Variants in WDR41 observed in about 807,000 individuals in gnomAD.
WDR41 encodes WD repeat domain 41.
In WDR41, 63 loss-of-function variants were observed where a neutral mutation model predicts 69.3. The ratio of observed to expected loss-of-function variants is 0.91; its 90% CI spans 0.74 to 1.12. The LOEUF (loss-of-function observed/expected upper bound fraction) is 1.12, where lower values mean the gene tolerates loss of function less well. WDR41 is among the 50% of genes most tolerant of loss of function. WDR41 has a pLI of 0.00. For missense variants in WDR41, 543 were observed against 534.5 expected, an observed-to-expected ratio of 1.02 and a Z score of -0.16; for synonymous variants, 185 against 192.1, an observed-to-expected ratio of 0.96 and a Z score of 0.31.
At chr5:77,537,197 A>G (rs1743003287) in intron 1 of WDR41, among the ~76,000 whole-genome samples, 1 of 152,252 alleles carries the variant, frequency 6.6e-6, no homozygotes, top group African/African-American at 2.4e-5. Context: ...TTTAGGTTCC[A>G]TGAGAGCAAC....
intron 1 of WDR41, among the ~76,000 whole-genome samples, chr5:77,587,047 C>T (rs1744054451): frequency 4.8e-5 from 1 of 20,690 alleles, no homozygotes; most frequent in Non-Finnish European, 7.4e-5. Flanking sequence ...TTAACCTACT[C>T]ATGAAACCAC....
chr5:77,505,497 T>G (rs1448703009), intron 1 of WDR41, among the ~76,000 whole-genome samples: 1 of 152,300 alleles, frequency 6.6e-6, no homozygotes, highest in Non-Finnish European at 1.5e-5. Flanking sequence ...AAGCTACTGA[T>G]GACTTTCTTC....
At chr5:77,453,764 C>T (rs1338631151) in intron 6 of WDR41, 53 bp downstream of exon 6, 12 of 1,405,652 alleles carry the variant, frequency 8.5e-6, no homozygotes, top group Admixed American at 3.4e-5. Flanking sequence ...TGAAGATCTG[C>T]TGTGTCTTCT....
At chr5:77,606,814 A>C (rs912340122) in intron 1 of WDR41, among the ~76,000 whole-genome samples, 1 of 151,960 alleles carries the variant, frequency 6.6e-6, no homozygotes. Context: ...AAGAAAAGAA[A>C]AGAAAAAGAA....
At chr5:77,576,388 A>C (rs1048664765) in intron 1 of WDR41, among the ~76,000 whole-genome samples, 1 of 151,538 alleles carries the variant, frequency 6.6e-6, no homozygotes, top group Admixed American at 6.6e-5. Context: ...CTCTACAGAC[A>C]CTCTCCACTT....
chr5:77,461,651 T>C (rs1001344660), intron 4 of WDR41, among the ~76,000 whole-genome samples: 2 of 151,558 alleles, frequency 1.3e-5, no homozygotes, highest in Non-Finnish European at 2.9e-5. Context: ...GCCTGGCCAA[T>C]ATGGTGAAAC....
intron 1 of WDR41, among the ~76,000 whole-genome samples, chr5:77,497,832 G>A (rs1047261337): frequency 1.9e-4 from 29 of 152,218 alleles, no homozygotes; most frequent in African/African-American, 6.3e-4. Flanking sequence ...GCCAAAAGCC[G>A]GAGACATCCC....
In WDR41 at chr5:77,506,106, C is replaced by G. The variant is rs1802101468; in HGVS notation, c.43-16534G>C. Among the ~76,000 whole-genome samples the G allele has an allele frequency of 2.0e-5, 3 of 152,142 alleles. No individual in the cohort carries two copies. In the South Asian group the frequency reaches 6.2e-4, roughly 31 times the overall value. On this transcript the variant is annotated intron_variant, in intron 1 of 5. Coordinates refer to the WDR41 transcript ENST00000509971. Reference sequence around the variant, plus strand: ...ACCATCAGAGTGAACAGGCAACCTACAGAATGCGAGAAAATTTTTGCAATC... The same window carrying G: ...ACCATCAGAGTGAACAGGCAACCTAGAGAATGCGAGAAAATTTTTGCAATC...
chr5:77,495,523 T>G (rs543429324), upstream of WDR41, among the ~76,000 whole-genome samples: 4 of 152,056 alleles, frequency 2.6e-5, no homozygotes, highest in East Asian at 7.7e-4. Context: ...ACCTAAAAGA[T>G]ATGAATAAAT....
chr5:77,566,455 G>C (rs573337000), intron 1 of WDR41, among the ~76,000 whole-genome samples: 1 of 152,020 alleles, frequency 6.6e-6, no homozygotes, highest in African/African-American at 2.4e-5. Context: ...AACCATTCTA[G>C]GACAAAAAAA....
chr5:77,505,901 G>C (rs1342406024), intron 1 of WDR41, among the ~76,000 whole-genome samples: 1 of 152,204 alleles, frequency 6.6e-6, no homozygotes, highest in Non-Finnish European at 1.5e-5. Context: ...ATGGATTAAA[G>C]ACTTATATGT....
rs544505419 is a variant in WDR41 at position 77,511,187 on chromosome 5, A to G, written c.43-21615T>C. On this transcript the variant is annotated intron_variant, in intron 1 of 5. Transcript: ENST00000509971. ...AAAGATCCTCCAGATAACAATTCTTATTTAAAGCTTTCTCTTACTTTCCCC... is the reference window on the plus strand; with the variant it reads ...AAAGATCCTCCAGATAACAATTCTTGTTTAAAGCTTTCTCTTACTTTCCCC... 3.9e-5 allele frequency among the ~76,000 whole-genome samples: 6 copies of G among 152,340 alleles called. No individual in the cohort carries two copies. The South Asian group carries it at 1.2e-3, about 32-fold the overall frequency.
chr5:77,560,214 T>C (rs1244164711), intron 1 of WDR41, among the ~76,000 whole-genome samples: 16 of 152,180 alleles, frequency 1.1e-4, no homozygotes, highest in Non-Finnish European at 1.5e-5. Flanking sequence ...GTAAAAGACA[T>C]GGTTGCTGAA....
chr5:77,513,933 A>G (rs1030471572), intron 1 of WDR41, among the ~76,000 whole-genome samples: 1 of 151,302 alleles, frequency 6.6e-6, no homozygotes, highest in African/African-American at 2.4e-5. Flanking sequence ...CAATGACTGC[A>G]TAATCAAACA....
intron 5 of WDR41, among the ~76,000 whole-genome samples, chr5:77,455,460 T>C (rs541906437): frequency 1.3e-5 from 2 of 152,330 alleles, no homozygotes; most frequent in African/African-American, 4.8e-5. Context: ...TTCATTCTGA[T>C]GAGGTCCAAT....
In WDR41 at chr5:77,432,339, A is replaced by G. The variant is rs1350973006; in HGVS notation, c.*796T>C. The G allele has an allele frequency of 1.3e-5, 2 of 152,398 alleles. No homozygotes were observed. The allele number at this position is 152,398 out of a possible 1,614,324, so 9.4% of individuals were successfully genotyped here. A position where few individuals can be genotyped will look rare whatever the true frequency, so the allele number is the denominator to read the frequency against. On this transcript the variant is annotated 3_prime_UTR_variant, in exon 13 of 13. Transcript: ENST00000296679. The stretch of plus-strand genomic sequence containing the variant: ...CTCAATGGACACTGCAAAGAACTAC[A>G]TAAAAGAAGTCTGTCTCAAGCAGTT...
intron 1 of WDR41, among the ~76,000 whole-genome samples, chr5:77,544,159 T>C (rs1743146503): frequency 6.6e-6 from 1 of 152,026 alleles, no homozygotes; most frequent in Non-Finnish European, 1.5e-5. Context: ...CTCTAAATCT[T>C]GAAACAAATC....
At chr5:77,592,173 C>T (rs1015465866) in intron 1 of WDR41, among the ~76,000 whole-genome samples, 2 of 152,082 alleles carry the variant, frequency 1.3e-5, no homozygotes, top group African/African-American at 4.8e-5. Flanking sequence ...ATTACATTTA[C>T]TTGAAATATC....
At chr5:77,534,331 T>TGG (rs34196396) in intron 1 of WDR41, among the ~76,000 whole-genome samples, 3 of 151,958 alleles carry the variant, frequency 2.0e-5, no homozygotes, top group Non-Finnish European at 2.9e-5. Context: ...CCACTATATG[T>TGG]GGGGGGCGGC....
Sources: allele counts gnomAD v4.1 joint callset (sites outside exome capture counted in the v4.1 genomes callset), GRCh38; gene constraint gnomAD v4.1.1; transcripts MANE v1.5; gene names NCBI Gene and HGNC (gene_info 2026-07-23, HGNC 2026-07-21).